The following UACA variants were observed in gnomAD, a reference collection of about 807,000 sequenced individuals.
UACA encodes uveal autoantigen with coiled-coil domains and ankyrin repeats.
UACA carries 112 observed loss-of-function variants against 160.5 expected under a neutral mutation model. That is an observed-to-expected ratio of 0.70 (90% CI 0.60 to 0.82). The LOEUF (loss-of-function observed/expected upper bound fraction) is 0.82, where lower values mean the gene tolerates loss of function less well. UACA is among the 40% of genes least tolerant of loss of function. The pLI is 0.00. For synonymous variants in UACA, 557 were observed against 568.4 expected (o/e 0.98, Z 0.29); for missense variants, 1,574 against 1,614.6 (o/e 0.97, Z 0.43).
chr15:70,767,600 A>G (rs1024585783), upstream of UACA, among the ~76,000 whole-genome samples: 1 of 152,166 alleles, frequency 6.6e-6, no homozygotes, highest in Non-Finnish European at 1.5e-5. Context: ...AAAAAAAAAA[A>G]GAATTGACAT....
chr15:70,660,306 T>G (rs1896661500), intron 17 of UACA, 90 bp from the exon 18 acceptor site: 1 of 1,055,118 alleles, frequency 9.5e-7, no homozygotes, highest in Non-Finnish European at 1.4e-6. Context: ...TACAAAACTA[T>G]TATTATTATT....
At chr15:70,745,347 G>A (rs1192410752) in intron 1 of UACA, among the ~76,000 whole-genome samples, 3 of 151,580 alleles carry the variant, frequency 2.0e-5, no homozygotes, top group Non-Finnish European at 4.4e-5. Flanking sequence ...AGGCAGGAGA[G>A]TGGCGTGAAC....
intron 1 of UACA, chr15:70,702,168 C>T (rs1348872392): frequency 2.4e-6 from 3 of 1,253,242 alleles, no homozygotes; most frequent in South Asian, 5.1e-5. Flanking sequence ...AAGTCAGGTA[C>T]AGTAACTCTA....
At chr15:70,705,997 G>A (rs1370081813) in intron 1 of UACA, among the ~76,000 whole-genome samples, 1 of 152,050 alleles carries the variant, frequency 6.6e-6, no homozygotes, top group East Asian at 1.9e-4. Flanking sequence ...GTGATAAGAT[G>A]CCTGGTATTT....
At chr15:70,726,382 G>A (rs940870431) in intron 1 of UACA, among the ~76,000 whole-genome samples, 3 of 151,768 alleles carry the variant, frequency 2.0e-5, no homozygotes, top group Non-Finnish European at 4.4e-5. Flanking sequence ...GGAGGAAATT[G>A]TTTAAAAAAA....
Position 70,684,298 on chromosome 15 carries a change from A to C in UACA, c.751T>G (p.Leu251Val). The C allele has an allele frequency of 6.2e-7, 1 of 1,612,416 alleles. No homozygotes were observed. Among genetic ancestry groups the C allele is most frequent in the Non-Finnish European group, 8.5e-7 (1 of 1,179,410 alleles). ...RIGDNLDILT[L>V]LKTASENTNK... ...GTATTTTCCGATGCAGTCTTCAACAAGGTTAGAATGTCCAGATTGTCACCA... is the reference window on the plus strand; with the variant it reads ...GTATTTTCCGATGCAGTCTTCAACACGGTTAGAATGTCCAGATTGTCACCA... The change falls in exon 8 of 19, where the codon TTG (leucine) becomes GTG (valine). Residue 251 changes from leucine (L) to valine (V), a missense_variant. Coordinates refer to ENST00000322954, the MANE Select transcript of UACA (RefSeq NM_018003.4).
intron 1 of UACA, among the ~76,000 whole-genome samples, chr15:70,742,041 A>G (rs1899554779): frequency 6.6e-6 from 1 of 152,242 alleles, no homozygotes; most frequent in Non-Finnish European, 1.5e-5. Context: ...AAAACAGTTC[A>G]ACAGCAGGAA....
chr15:70,664,592 T>C (rs1896835887), intron 17 of UACA, 70 bp downstream of exon 17: 3 of 1,505,514 alleles, frequency 2.0e-6, no homozygotes, highest in Non-Finnish European at 2.7e-6. Flanking sequence ...AATTTCTAAA[T>C]GAGCCTTACA....
chr15:70,674,122 A>C (rs944327765), intron 13 of UACA, among the ~76,000 whole-genome samples: 1 of 152,194 alleles, frequency 6.6e-6, no homozygotes, highest in Non-Finnish European at 1.5e-5. Flanking sequence ...TCGGCCTTCC[A>C]AAGTGTTGGG....
chr15:70,663,875 G>C (rs996813863), intron 17 of UACA, among the ~76,000 whole-genome samples: 5 of 114,186 alleles, frequency 4.4e-5, no homozygotes, highest in African/African-American at 1.3e-4. Flanking sequence ...GTTGTGGGGT[G>C]GGGGGAGGGG....
intron 1 of UACA, among the ~76,000 whole-genome samples, chr15:70,711,519 A>G (rs776358208): frequency 1.3e-4 from 19 of 151,940 alleles, no homozygotes; most frequent in Non-Finnish European, 2.5e-4. Flanking sequence ...AAAAATTACA[A>G]CAACAAAATA....
At chr15:70,692,299 C>G (rs1897966849) in intron 3 of UACA, among the ~76,000 whole-genome samples, 1 of 152,216 alleles carries the variant, frequency 6.6e-6, no homozygotes, top group Admixed American at 6.6e-5. Context: ...GTAACAGGGA[C>G]TATAGGCTCG....
intron 1 of UACA, among the ~76,000 whole-genome samples, chr15:70,716,430 C>T (rs938566404): frequency 1.3e-5 from 2 of 152,138 alleles, no homozygotes; most frequent in Non-Finnish European, 1.5e-5. Flanking sequence ...TGCTGACCTA[C>T]GAAGTCATCA....
intron 3 of UACA, among the ~76,000 whole-genome samples, chr15:70,693,008 A>C (rs1279019463): frequency 6.6e-6 from 1 of 152,170 alleles, no homozygotes; most frequent in Non-Finnish European, 1.5e-5. Flanking sequence ...CTCTAATTAC[A>C]AGTCAATCAG....
intron 2 of UACA, among the ~76,000 whole-genome samples, chr15:70,698,024 C>T (rs181941548): frequency 0.011 from 1,649 of 152,170 alleles, 27 homozygotes; most frequent in African/African-American, 0.038. Flanking sequence ...CACAACCAGC[C>T]TGGGCAACAA....
Position 70,713,070 on chromosome 15 carries a change from C to T in UACA, c.79-13410G>A, listed in dbSNP as rs543582902. Among the ~76,000 whole-genome samples the T allele has an allele frequency of 2.6e-5, 4 of 152,202 alleles. No individual in the cohort carries two copies. The South Asian group carries it at 8.3e-4, about 32-fold the overall frequency. On this transcript the variant is annotated intron_variant, in intron 1 of 18. Coordinates refer to ENST00000322954, the MANE Select transcript of UACA (RefSeq NM_018003.4). ...GTAAGAATAGGGAAGGAGAGCCGGG[C>T]GCAGTGGCTCACGCCTGTAATCCCA...
intron 1 of UACA, among the ~76,000 whole-genome samples, chr15:70,745,359 C>T (rs868133421): frequency 9.9e-5 from 15 of 151,238 alleles, no homozygotes; most frequent in Admixed American, 4.6e-4. Context: ...GGCGTGAACC[C>T]GGGAGGCGGA....
At chr15:70,775,371 G>A in the UACA span, among the ~76,000 whole-genome samples, 1 of 152,252 alleles carries the variant, frequency 6.6e-6, no homozygotes, top group Admixed American at 6.5e-5. Flanking sequence ...CACTCCACTG[G>A]AAGAAGCTAA....
rs566442081 is a variant in UACA at position 70,668,447 on chromosome 15, G to C, written c.2237C>G (p.Pro746Arg). The C allele has an allele frequency of 4.3e-6, 7 of 1,612,030 alleles. No individual in the cohort carries two copies. The South Asian group carries it at 6.6e-5, about 15-fold the overall frequency. Reference protein sequence around the residue: ...LTIEMKNHYVPLKVSEDMKKS... With the variant: ...LTIEMKNHYVRLKVSEDMKKS... ...TTTCATGTCTTCACTTACTTTTAAA[G>C]GAACATAATGATTTTTCATTTCAAT... The change falls in exon 16 of 19, where the codon CCT becomes CGT. Residue 746 changes from proline (P) to arginine (R), a missense_variant. Transcript: ENST00000322954.
Sources: gnomAD v4.1 joint callset for allele counts (sites outside exome capture counted in the v4.1 genomes callset) on GRCh38, gnomAD v4.1.1 for gene constraint, MANE v1.5 for transcripts, NCBI Gene and HGNC (gene_info 2026-07-23, HGNC 2026-07-21) for gene names.